PIK3CA: variants seen among roughly 807,000 people sequenced by gnomAD.
The protein encoded by PIK3CA is phosphatidylinositol-4,5-bisphosphate 3-kinase catalytic subunit alpha.
Under a neutral mutation model 138.2 loss-of-function variants are expected in PIK3CA, and 27 were observed. That is an observed-to-expected ratio of 0.20 (90% CI 0.14 to 0.27). PIK3CA has a LOEUF of 0.27. PIK3CA is among the 10% of genes least tolerant of loss of function. The probability of loss-of-function intolerance (pLI) is 1.00; values close to 1 mark genes in which losing one functional copy is unlikely to be tolerated. For missense variants in PIK3CA, 544 were observed against 1,277.4 expected, an observed-to-expected ratio of 0.43 and a Z score of 8.75; for synonymous variants, 358 against 413.2, an observed-to-expected ratio of 0.87 and a Z score of 1.62.
intron 9 of PIK3CA, among the ~76,000 whole-genome samples, chr3:179,215,986 G>A (rs1724828111): frequency 6.6e-6 from 1 of 152,102 alleles, no homozygotes; most frequent in African/African-American, 2.4e-5. Flanking sequence ...CCTACTGCAG[G>A]CCAGTAGTGC....
At chr3:179,164,022 A>G (rs1723352174) in intron 1 of PIK3CA, among the ~76,000 whole-genome samples, 1 of 152,206 alleles carries the variant, frequency 6.6e-6, no homozygotes, top group Non-Finnish European at 1.5e-5. Context: ...GTATTTAACA[A>G]CTAAACTGTT....
intron 1 of PIK3CA, among the ~76,000 whole-genome samples, chr3:179,154,146 A>G (rs1053081332): frequency 6.6e-6 from 1 of 152,224 alleles, no homozygotes; most frequent in South Asian, 2.1e-4. Context: ...TTTTTCTTCA[A>G]ATAGTTCTTA....
chr3:179,150,888 T>C (rs762610909), intron 1 of PIK3CA, among the ~76,000 whole-genome samples: 5 of 152,224 alleles, frequency 3.3e-5, no homozygotes, highest in Non-Finnish European at 7.3e-5. Context: ...ACGATTACCA[T>C]TTAAAGGGCA....
At chr3:179,222,545 G>T (rs151287337) in intron 14 of PIK3CA, among the ~76,000 whole-genome samples, 1 of 152,094 alleles carries the variant, frequency 6.6e-6, no homozygotes, top group Admixed American at 6.5e-5. Context: ...TGAAAATATC[G>T]TACAGGCAAA....
intron 1 of PIK3CA, among the ~76,000 whole-genome samples, chr3:179,166,273 T>G (rs1212407692): frequency 2.0e-5 from 3 of 152,242 alleles, no homozygotes; most frequent in Non-Finnish European, 2.9e-5. Flanking sequence ...ATCTGGCTTC[T>G]TTTCTGGTTT....
chr3:179,157,492 T>A (rs192677157), intron 1 of PIK3CA, among the ~76,000 whole-genome samples: 15 of 152,290 alleles, frequency 9.8e-5, no homozygotes, highest in Non-Finnish European at 2.1e-4. Flanking sequence ...ATTATGAGAC[T>A]CTAGATTTCT....
chr3:179,201,212 T>A lies in PIK3CA; in HGVS notation c.563-78T>A, dbSNP rs1318332089. On this transcript the variant is annotated intron_variant, in intron 3 of 20. Coordinates refer to ENST00000263967, the MANE Select transcript of PIK3CA (RefSeq NM_006218.4). ...ATTTCTGATATGGATAAAGTAATGA[T>A]AGTGAATACTTGTTGAAATTTCTCC... 2.6e-6 allele frequency: 3 copies of A among 1,158,680 alleles called. No individual in the cohort carries two copies. In the African/African-American group the frequency reaches 4.6e-5, roughly 18 times the overall value. 71.8% of individuals were successfully genotyped at this position (1,158,680 alleles called of 1,614,324 possible).
chr3:179,176,198 T>C (rs1723693199), intron 1 of PIK3CA, among the ~76,000 whole-genome samples: 1 of 152,184 alleles, frequency 6.6e-6, no homozygotes, highest in Admixed American at 6.5e-5. Flanking sequence ...GTCCAAAGCA[T>C]CTTGAGTTTA....
At chr3:179,204,408 C>G (rs1398196678) in intron 5 of PIK3CA, 95 bp from the exon 6 acceptor site, 20 of 582,636 alleles carry the variant, frequency 3.4e-5, no homozygotes, top group Non-Finnish European at 5.4e-5. Flanking sequence ...TATATCTGAA[C>G]AAAAATTCCG....
At chr3:179,218,762 G>A (rs1724899419) in intron 10 of PIK3CA, among the ~76,000 whole-genome samples, 1 of 151,742 alleles carries the variant, frequency 6.6e-6, no homozygotes, top group Non-Finnish European at 1.5e-5. Context: ...TGGTGATACG[G>A]GTATATTTAA....
chr3:179,152,900 T>G (rs1723047771), intron 1 of PIK3CA, among the ~76,000 whole-genome samples: 1 of 152,100 alleles, frequency 6.6e-6, no homozygotes, highest in Non-Finnish European at 1.5e-5. Context: ...GAATAGCAAG[T>G]GCCAAACTAT....
At position 179,220,073 on chromosome 3, in the gene PIK3CA, A is replaced by T. The variant is rs1452986064; in HGVS notation, c.2015+21A>T. 2 of 1,515,190 alleles carry T rather than the reference A, an allele frequency of 1.3e-6. No individual in the cohort carries two copies. Among genetic ancestry groups the T allele is most frequent in the Admixed American group, 4.1e-5 (2 of 49,252 alleles). 93.9% of individuals were successfully genotyped at this position (1,515,190 alleles called of 1,614,324 possible). ...TTAAAGTAAGTCTAATTATTTTCCC[A>T]TTAAATTCTTAAGGTACATATTACT... On this transcript the variant is annotated intron_variant, in intron 13 of 20. Transcript: ENST00000263967. This position sits in a 1 kb window ranked among gnomAD's most constrained non-coding sequence, Gnocchi z 4.1.
chr3:179,158,294 A>C lies in PIK3CA; in HGVS notation c.-77+9691A>C, dbSNP rs111699841. ...AAGGGAAGTTAGCATATGGATATTTAGTTTAATAGGAATGAGGAATTAATG... is the reference window on the plus strand; with the variant it reads ...AAGGGAAGTTAGCATATGGATATTTCGTTTAATAGGAATGAGGAATTAATG... On this transcript the variant is annotated intron_variant, in intron 1 of 20. Coordinates refer to ENST00000263967, the MANE Select transcript of PIK3CA (RefSeq NM_006218.4). 3.9e-5 allele frequency among the ~76,000 whole-genome samples: 6 copies of C among 152,272 alleles called. 1 individual carries two copies. Among genetic ancestry groups the C allele is most frequent in the African/African-American group, 1.4e-4 (6 of 41,580 alleles).
chr3:179,187,919 G>C (rs1051920321), intron 1 of PIK3CA, among the ~76,000 whole-genome samples: 1 of 152,168 alleles, frequency 6.6e-6, no homozygotes, highest in Non-Finnish European at 1.5e-5. Flanking sequence ...TTATAGGCAT[G>C]AGCCACCATG....
chr3:179,178,030 A>G (rs1723742855), intron 1 of PIK3CA, among the ~76,000 whole-genome samples: 1 of 149,778 alleles, frequency 6.7e-6, no homozygotes, highest in Non-Finnish European at 1.5e-5. Flanking sequence ...ATTTAAAGCT[A>G]GGAGTTCAAG....
chr3:179,172,294 T>C (rs1723579128), intron 1 of PIK3CA, among the ~76,000 whole-genome samples: 1 of 152,128 alleles, frequency 6.6e-6, no homozygotes, highest in South Asian at 2.1e-4. Context: ...GGTGAATGAT[T>C]TTATAGTTTT....
intron 10 of PIK3CA, among the ~76,000 whole-genome samples, chr3:179,218,845 G>A (rs1439337728): frequency 6.6e-6 from 1 of 152,004 alleles, no homozygotes; most frequent in East Asian, 1.9e-4. Flanking sequence ...TACAGTAGAA[G>A]TGGTGACTCT....
intron 1 of PIK3CA, among the ~76,000 whole-genome samples, chr3:179,188,826 C>T (rs1459243863): frequency 2.0e-5 from 3 of 152,202 alleles, no homozygotes; most frequent in African/African-American, 7.2e-5. Context: ...AATCCTATCT[C>T]ACCTTCACCT....
intron 1 of PIK3CA, among the ~76,000 whole-genome samples, chr3:179,157,129 GGAAA>G (rs1464294861): frequency 6.6e-6 from 1 of 152,084 alleles, no homozygotes; most frequent in East Asian, 1.9e-4. Flanking sequence ...AGCAGGGAAA[GGAAA>G]GAATTACATT....
Sources: allele counts gnomAD v4.1 joint callset (sites outside exome capture counted in the v4.1 genomes callset), GRCh38; gene constraint gnomAD v4.1.1; non-coding constraint Gnocchi (gnomAD v3.1); transcripts MANE v1.5; gene names NCBI Gene and HGNC (gene_info 2026-07-23, HGNC 2026-07-21).